Variants in LGR5 observed in about 807,000 individuals in gnomAD.
LGR5 encodes the protein leucine rich repeat containing G protein-coupled receptor 5.
Under a neutral mutation model 76.7 loss-of-function variants are expected in LGR5, and 54 were observed. That is an observed-to-expected ratio of 0.70 (90% CI 0.57 to 0.88). LGR5 has a LOEUF of 0.88. Among genes scored for constraint, LGR5 ranks in the 40% least tolerant of loss-of-function variants. The probability of loss-of-function intolerance (pLI) is 0.00; values close to 1 mark genes in which losing one functional copy is unlikely to be tolerated. For synonymous variants in LGR5, 406 were observed against 421.9 expected (o/e 0.96, Z 0.46); for missense variants, 1,078 against 1,073.3 (o/e 1.00, Z -0.06).
intron 1 of LGR5, among the ~76,000 whole-genome samples, chr12:71,489,492 T>C (rs1325742571): frequency 1.3e-5 from 2 of 152,218 alleles, no homozygotes; most frequent in African/African-American, 4.8e-5. Flanking sequence ...ATTGATTTTA[T>C]AGAGTTCATA....
At chr12:71,529,200 T>G (rs1219793052) in intron 3 of LGR5, among the ~76,000 whole-genome samples, 2 of 152,210 alleles carry the variant, frequency 1.3e-5, no homozygotes, top group Non-Finnish European at 2.9e-5. Flanking sequence ...TTAGTCCATT[T>G]TCACACTGCT....
chr12:71,496,109 C>G (rs190207371), intron 1 of LGR5, among the ~76,000 whole-genome samples: 6 of 152,146 alleles, frequency 3.9e-5, no homozygotes, highest in Admixed American at 1.3e-4. Context: ...AGGTGGCTCA[C>G]GCCTGTAATC....
chr12:71,498,448 C>T (rs1422557345), intron 1 of LGR5, among the ~76,000 whole-genome samples: 4 of 152,138 alleles, frequency 2.6e-5, no homozygotes, highest in Non-Finnish European at 5.9e-5. Context: ...GGGGTCAGCT[C>T]CCTCAGTTTT....
At chr12:71,569,637 T>C (rs1490920404) in intron 11 of LGR5, among the ~76,000 whole-genome samples, 1 of 152,094 alleles carries the variant, frequency 6.6e-6, no homozygotes, top group East Asian at 1.9e-4. Flanking sequence ...AGAATGGCAA[T>C]TATTAAAAAG....
intron 1 of LGR5, among the ~76,000 whole-genome samples, chr12:71,467,218 G>A (rs60903489): frequency 0.045 from 6,847 of 152,166 alleles, 370 homozygotes; most frequent in African/African-American, 0.13. Context: ...TCCAAAGCCT[G>A]TACTTTCCCC....
At chr12:71,546,940 A>G (rs1004109521) in intron 4 of LGR5, among the ~76,000 whole-genome samples, 13 of 152,332 alleles carry the variant, frequency 8.5e-5, no homozygotes, top group African/African-American at 3.1e-4. Context: ...GGTTTTGACC[A>G]GGTCCAGTGG....
chr12:71,474,129 T>A (rs1283844360), intron 1 of LGR5, among the ~76,000 whole-genome samples: 1 of 127,684 alleles, frequency 7.8e-6, no homozygotes, highest in African/African-American at 3.0e-5. Flanking sequence ...ATATTTCAAT[T>A]CTATAAAAAC....
chr12:71,530,391 A>G (rs1445741429), intron 3 of LGR5, among the ~76,000 whole-genome samples: 1 of 152,176 alleles, frequency 6.6e-6, no homozygotes, highest in African/African-American at 2.4e-5. Context: ...ATGGTGAGAA[A>G]GATAATGTGA....
chr12:71,574,118 A>G (rs1878742191), intron 13 of LGR5, among the ~76,000 whole-genome samples: 4 of 151,652 alleles, frequency 2.6e-5, no homozygotes, highest in Admixed American at 2.0e-4. Context: ...CCTGGCCAAC[A>G]TGGTGAAACC....
chr12:71,452,807 G>T (rs1872303187), intron 1 of LGR5, among the ~76,000 whole-genome samples: 1 of 152,168 alleles, frequency 6.6e-6, no homozygotes, highest in Non-Finnish European at 1.5e-5. Flanking sequence ...TCATATGTAA[G>T]ATGGCAATAA....
chr12:71,548,324 T>TGTGTGTGTGTGTGTGC (rs1555173645), intron 4 of LGR5, among the ~76,000 whole-genome samples: 1 of 151,790 alleles, frequency 6.6e-6, no homozygotes, highest in Non-Finnish European at 1.5e-5. Context: ...TGTGTGTGTG[T>TGTGTGTGTGTGTGTGC]GCGTAGATAC....
chr12:71,556,550 A>T, intron 5 of LGR5, 69 bp from the exon 6 acceptor site: 2 of 1,011,390 alleles, frequency 2.0e-6, no homozygotes, highest in Non-Finnish European at 1.6e-6. Flanking sequence ...CTTTGGATTT[A>T]AGCTATCAAA....
chr12:71,569,279 C>A (rs1438287470), intron 11 of LGR5, among the ~76,000 whole-genome samples: 1 of 152,180 alleles, frequency 6.6e-6, no homozygotes, highest in Non-Finnish European at 1.5e-5. Context: ...TCGCCTAAAG[C>A]AATTGCAACA....
chr12:71,457,455 T>C (rs141623540), intron 1 of LGR5, among the ~76,000 whole-genome samples: 48 of 152,256 alleles, frequency 3.2e-4, no homozygotes, highest in African/African-American at 1.1e-3. Flanking sequence ...TCAAAAGAGC[T>C]AAAGTAAAGG....
At chr12:71,513,971 T>A (rs1485245987) in intron 2 of LGR5, among the ~76,000 whole-genome samples, 2 of 152,228 alleles carry the variant, frequency 1.3e-5, no homozygotes, top group African/African-American at 4.8e-5. Context: ...GAGTCTATAA[T>A]CAGACTACTT....
intron 1 of LGR5, among the ~76,000 whole-genome samples, chr12:71,456,429 G>T (rs1019113693): frequency 3.3e-5 from 5 of 152,146 alleles, no homozygotes; most frequent in African/African-American, 1.2e-4. Context: ...AACACCTTCA[G>T]TCTCAAAAGA....
intron 3 of LGR5, among the ~76,000 whole-genome samples, chr12:71,524,762 TTG>T (rs1875904267): frequency 6.6e-6 from 1 of 152,108 alleles, no homozygotes; most frequent in African/African-American, 2.4e-5. Flanking sequence ...CCCTTTCCCT[TTG>T]TGTTATGAAA....
chr12:71,539,698 G>T (rs774257018), intron 4 of LGR5, among the ~76,000 whole-genome samples: 1 of 152,104 alleles, frequency 6.6e-6, no homozygotes, highest in African/African-American at 2.4e-5. Flanking sequence ...GGCTGGTCTC[G>T]AATGCCTGAG....
intron 5 of LGR5, among the ~76,000 whole-genome samples, chr12:71,553,871 A>G (rs1049753079): frequency 2.6e-5 from 4 of 152,328 alleles, no homozygotes; most frequent in African/African-American, 9.6e-5. Context: ...CGGGTGTATC[A>G]CTTGAGGTCA....
Sources: allele counts gnomAD v4.1 joint callset (sites outside exome capture counted in the v4.1 genomes callset), GRCh38; gene constraint gnomAD v4.1.1; transcripts MANE v1.5; gene names NCBI Gene and HGNC (gene_info 2026-07-23, HGNC 2026-07-21).